KLHL13: variants seen among roughly 807,000 people sequenced by gnomAD.
The protein encoded by KLHL13 is kelch-like protein 13.
KLHL13 carries 10 observed loss-of-function variants against 37.1 expected under a neutral mutation model. The observed-to-expected ratio is 0.27, with a 90% CI of 0.17 to 0.46. KLHL13 has a LOEUF of 0.46. Ranked by LOEUF, KLHL13 falls within the 20% of genes least tolerant of loss-of-function variation. The pLI is 1.00. For missense variants in KLHL13, 360 were observed against 509.3 expected, an observed-to-expected ratio of 0.71 and a Z score of 2.82; for synonymous variants, 163 against 181.2, an observed-to-expected ratio of 0.90 and a Z score of 0.81.
In KLHL13 at chrX:117,909,620, C is replaced by CA; in HGVS notation, c.1046dup (p.Arg350GlufsTer8). The CA allele has an allele frequency of 1.7e-6, 2 of 1,211,772 alleles. No homozygotes were observed. Among genetic ancestry groups the CA allele is most frequent in the Non-Finnish European group, 2.2e-6 (2 of 895,478 alleles). On this transcript the variant is annotated frameshift_variant, in exon 5 of 7. Transcript: ENST00000262820. LOFTEE classifies it high-confidence loss of function. ...CCTTACTGACAACCAGCTGCTGCCT[C>CA]AGCACTCCTCCTAGTGTAACCAAGT...
At chrX:117,948,100 T>A (rs1282421356) in intron 1 of KLHL13, among the ~76,000 whole-genome samples, 1 of 109,361 alleles carries the variant, frequency 9.1e-6, no homozygotes, top group East Asian at 2.8e-4. Flanking sequence ...TTTTTCACTG[T>A]CACAACTGGG....
chrX:118,100,528 G>T (rs1309505870), intron 1 of KLHL13, among the ~76,000 whole-genome samples: 1 of 111,074 alleles, frequency 9.0e-6, no homozygotes, highest in Non-Finnish European at 1.9e-5. Context: ...AACCCATTAA[G>T]TTCATATTTT....
chrX:118,045,732 G>A (rs769569140), intron 1 of KLHL13, among the ~76,000 whole-genome samples: 23 of 111,201 alleles, frequency 2.1e-4, no homozygotes, highest in Admixed American at 5.7e-4. Flanking sequence ...GCTTGAACCC[G>A]GGAGGCAGAG....
intron 2 of KLHL13, among the ~76,000 whole-genome samples, chrX:117,943,988 T>C (rs1440352941): frequency 9.0e-6 from 1 of 111,369 alleles, no homozygotes; most frequent in African/African-American, 3.3e-5. Context: ...GTCTTTAATG[T>C]TGGTGACCTT....
At chrX:118,105,548 G>A (rs1398541586) in intron 1 of KLHL13, among the ~76,000 whole-genome samples, 1 of 112,708 alleles carries the variant, frequency 8.9e-6, no homozygotes, top group East Asian at 2.8e-4. Flanking sequence ...CTCATAATGA[G>A]TGCAATAATG....
At chrX:118,034,199 A>G (rs1188968905) in intron 1 of KLHL13, among the ~76,000 whole-genome samples, 2,775 of 103,370 alleles carry the variant, frequency 0.027, 162 homozygotes, top group African/African-American at 0.11. Flanking sequence ...GAAAGTTAAC[A>G]AGGATATCCA....
At chrX:117,911,714 A>T (rs967297836) in intron 4 of KLHL13, among the ~76,000 whole-genome samples, 1 of 111,746 alleles carries the variant, frequency 8.9e-6, no homozygotes, top group Non-Finnish European at 1.9e-5. Context: ...TCATGTCCCT[A>T]CAAAGGATAT....
chrX:118,008,593 GATC>G (rs914937947), intron 1 of KLHL13, among the ~76,000 whole-genome samples: 3 of 112,009 alleles, frequency 2.7e-5, no homozygotes, highest in Admixed American at 9.5e-5. Context: ...TCTCTAAAAA[GATC>G]ATCATGAGAA....
At chrX:118,029,352 G>A (rs5956856) in intron 1 of KLHL13, among the ~76,000 whole-genome samples, 5,933 of 111,510 alleles carry the variant, frequency 0.053, 388 homozygotes, top group African/African-American at 0.18. Flanking sequence ...AGCTAGAAAG[G>A]TATAGTACTT....
chrX:118,042,739 G>C (rs1221397850), intron 1 of KLHL13, among the ~76,000 whole-genome samples: 1 of 111,008 alleles, frequency 9.0e-6, no homozygotes, highest in African/African-American at 3.3e-5. Context: ...ATAAGATACA[G>C]TGAAAGCAGT....
chrX:118,008,262 G>A (rs946510690), intron 1 of KLHL13, among the ~76,000 whole-genome samples: 3 of 111,842 alleles, frequency 2.7e-5, no homozygotes, highest in Non-Finnish European at 3.8e-5. Context: ...GAAAAAGGAG[G>A]GAAGTGAACA....
intron 2 of KLHL13, among the ~76,000 whole-genome samples, chrX:117,941,154 G>A (rs1353813141): frequency 3.6e-5 from 4 of 111,707 alleles, no homozygotes; most frequent in African/African-American, 9.8e-5. Flanking sequence ...TTAGGATGAA[G>A]GTGTGTTGAA....
At chrX:118,099,660 T>A (rs757819701) in intron 1 of KLHL13, among the ~76,000 whole-genome samples, 53 of 109,779 alleles carry the variant, frequency 4.8e-4, no homozygotes, top group Admixed American at 1.8e-3. Context: ...ATAAAAATTT[T>A]AAAAAAAATT....
intron 2 of KLHL13, among the ~76,000 whole-genome samples, chrX:117,933,615 T>C (rs894679228): frequency 1.8e-5 from 2 of 111,228 alleles, no homozygotes; most frequent in African/African-American, 3.3e-5. Context: ...TTTTAATAGG[T>C]CCTCAAAAGC....
At chrX:117,956,332 A>G (rs1203594106) in intron 1 of KLHL13, among the ~76,000 whole-genome samples, 1 of 111,846 alleles carries the variant, frequency 8.9e-6, no homozygotes, top group Non-Finnish European at 1.9e-5. Context: ...ATTATAAATC[A>G]TCAAGGAATT....
intron 1 of KLHL13, among the ~76,000 whole-genome samples, chrX:118,113,692 T>C (rs771182782): frequency 2.7e-5 from 3 of 112,223 alleles, no homozygotes; most frequent in African/African-American, 9.7e-5. Context: ...CACACTAAAG[T>C]AGGCCCTTCC....
At chrX:118,053,798 TGAGAGAGA>T (rs1183708508) in intron 1 of KLHL13, among the ~76,000 whole-genome samples, 6 of 25,530 alleles carry the variant, frequency 2.4e-4, no homozygotes, top group Admixed American at 1.9e-3. Context: ...TGTGTGTGTG[TGAGAGAGA>T]GAGAGAGAGA....
intron 2 of KLHL13, among the ~76,000 whole-genome samples, chrX:117,938,912 C>T (rs1932899386): frequency 9.1e-6 from 1 of 110,067 alleles, no homozygotes; most frequent in Non-Finnish European, 1.9e-5. Context: ...TAGCCGAAGA[C>T]TCGTTTTCAT....
intron 1 of KLHL13, among the ~76,000 whole-genome samples, chrX:118,101,796 A>G: frequency 9.0e-6 from 1 of 111,196 alleles, no homozygotes; most frequent in South Asian, 3.8e-4. Context: ...TGATGGTTTT[A>G]TAAGTGTTTA....
Sources: gnomAD v4.1 joint callset for allele counts (sites outside exome capture counted in the v4.1 genomes callset) on GRCh38, gnomAD v4.1.1 for gene constraint, MANE v1.5 for transcripts, NCBI Gene and HGNC (gene_info 2026-07-23, HGNC 2026-07-21) for gene names.